PAPPA2: variants seen among roughly 807,000 people sequenced by gnomAD.
PAPPA2 encodes pappalysin 2.
Under a neutral mutation model 176.4 loss-of-function variants are expected in PAPPA2, and 86 were observed. The ratio of observed to expected loss-of-function variants is 0.49; its 90% CI spans 0.41 to 0.58. The LOEUF is 0.58. Among genes scored for constraint, PAPPA2 ranks in the 20% least tolerant of loss-of-function variants. The pLI, the probability that PAPPA2 is intolerant of heterozygous loss-of-function variation, is 0.00. For missense variants in PAPPA2, 2,073 were observed against 2,256.9 expected (o/e 0.92, Z 1.65); for synonymous variants, 809 against 852.2 (o/e 0.95, Z 0.88).
At chr1:176,560,285 C>A (rs535821080) in intron 2 of PAPPA2, among the ~76,000 whole-genome samples, 12 of 152,324 alleles carry the variant, frequency 7.9e-5, no homozygotes, top group East Asian at 7.7e-4. Context: ...CTCCCTCCCC[C>A]ACTCCAAACT....
chr1:176,506,515 T>A (rs1345958730), intron 1 of PAPPA2, among the ~76,000 whole-genome samples: 1 of 152,166 alleles, frequency 6.6e-6, no homozygotes, highest in Non-Finnish European at 1.5e-5. Context: ...ATTTGTGTCA[T>A]CTCTGATTTC....
intron 17 of PAPPA2, among the ~76,000 whole-genome samples, chr1:176,780,925 A>G (rs749977362): frequency 8.5e-5 from 13 of 152,178 alleles, no homozygotes; most frequent in African/African-American, 2.9e-4. Flanking sequence ...AATAATGCTA[A>G]TAGCTATTGT....
intron 1 of PAPPA2, among the ~76,000 whole-genome samples, chr1:176,477,364 C>T (rs1442172778): frequency 1.3e-5 from 2 of 152,174 alleles, no homozygotes; most frequent in African/African-American, 4.8e-5. Context: ...TTATTACACA[C>T]ATGCACACCT....
intron 1 of PAPPA2, among the ~76,000 whole-genome samples, chr1:176,477,070 A>G (rs1652161998): frequency 6.6e-6 from 1 of 152,184 alleles, no homozygotes; most frequent in South Asian, 2.1e-4. Flanking sequence ...TAGCTTTTCA[A>G]GGGAAGCCTT....
intron 1 of PAPPA2, among the ~76,000 whole-genome samples, chr1:176,507,513 A>G (rs1648344942): frequency 1.3e-5 from 2 of 152,232 alleles, no homozygotes; most frequent in African/African-American, 4.8e-5. Context: ...GTTATTCACA[A>G]TAGCAAAGAC....
intron 1 of PAPPA2, among the ~76,000 whole-genome samples, chr1:176,488,193 AT>A (rs1270494350): frequency 6.6e-6 from 1 of 151,562 alleles, no homozygotes; most frequent in Non-Finnish European, 1.5e-5. Context: ...TTTATTTTTT[AT>A]TTTTTTTAAA....
In PAPPA2 at chr1:176,556,585, A is replaced by T; in HGVS notation, c.263A>T (p.Glu88Val). 1 of 1,614,190 alleles carries T rather than the reference A, an allele frequency of 6.2e-7. No individual in the cohort carries two copies. The highest frequency in any genetic ancestry group is 2.2e-5 in the East Asian group (1 of 44,872). ...YLRPYPVGEQ[E>V]IHHTGRSKPD... Reference sequence around the variant, plus strand: ...AGGCCCTACCCCGTGGGGGAGCAAGAAATCCATCATACAGGACGCAGCAAA... The same window carrying T: ...AGGCCCTACCCCGTGGGGGAGCAAGTAATCCATCATACAGGACGCAGCAAA... Residue 88 changes from glutamate to valine, a missense_variant, in exon 2 of 23, where the codon GAA (glutamate) becomes GTA (valine). Glu to Val is a moderately radical substitution (Grantham distance 121). This residue lies in a region of PAPPA2 where 1,196 missense variants were observed against 1,330.4 expected (regional missense o/e 0.90). Coordinates refer to ENST00000367662, the MANE Select transcript of PAPPA2 (RefSeq NM_020318.3).
chr1:176,731,643 G>T (rs935337843), intron 12 of PAPPA2, among the ~76,000 whole-genome samples: 1 of 151,230 alleles, frequency 6.6e-6, no homozygotes. Flanking sequence ...ATTTATATGT[G>T]TATATATACA....
At chr1:176,732,910 C>T (rs1662228200) in intron 12 of PAPPA2, among the ~76,000 whole-genome samples, 1 of 152,196 alleles carries the variant, frequency 6.6e-6, no homozygotes, top group South Asian at 2.1e-4. Flanking sequence ...AACCTGGCCA[C>T]ACAGCAGGAG....
chr1:176,821,345 A>T (rs968902236), intron 21 of PAPPA2, among the ~76,000 whole-genome samples: 3 of 152,234 alleles, frequency 2.0e-5, no homozygotes, highest in Non-Finnish European at 4.4e-5. Flanking sequence ...AGAAAGTTTT[A>T]TAGAGGGGTA....
chr1:176,652,911 G>A (rs1017196281), intron 3 of PAPPA2, among the ~76,000 whole-genome samples: 2 of 151,822 alleles, frequency 1.3e-5, no homozygotes, highest in South Asian at 4.1e-4. Flanking sequence ...CCTGAGAATT[G>A]TCTCCATCTC....
chr1:176,645,358 G>A (rs1657340428), intron 3 of PAPPA2, among the ~76,000 whole-genome samples: 1 of 151,630 alleles, frequency 6.6e-6, no homozygotes, highest in African/African-American at 2.4e-5. Context: ...GTCTTTTTGT[G>A]TTTGGCTTAT....
intron 3 of PAPPA2, among the ~76,000 whole-genome samples, chr1:176,651,890 A>T (rs565539923): frequency 6.7e-6 from 1 of 148,924 alleles, no homozygotes; most frequent in African/African-American, 2.5e-5. Flanking sequence ...TGAGCTCACT[A>T]TTTTTTTTCC....
intron 17 of PAPPA2, among the ~76,000 whole-genome samples, chr1:176,786,585 C>T (rs1316885520): frequency 6.6e-6 from 1 of 152,158 alleles, no homozygotes; most frequent in Non-Finnish European, 1.5e-5. Context: ...ATGGATGTGG[C>T]ATTGGGACAC....
intron 21 of PAPPA2, among the ~76,000 whole-genome samples, chr1:176,829,334 A>T (rs1429588376): frequency 6.6e-6 from 1 of 151,948 alleles, no homozygotes; most frequent in East Asian, 1.9e-4. Flanking sequence ...GCCAAGAAAA[A>T]TATTTAATCC....
intron 2 of PAPPA2, among the ~76,000 whole-genome samples, chr1:176,558,895 A>G (rs1281342006): frequency 1.3e-5 from 2 of 152,128 alleles, no homozygotes; most frequent in African/African-American, 2.4e-5. Context: ...GAAAGATCCA[A>G]TAGGAGTCTA....
At chr1:176,821,539 T>C (rs1571377754) in intron 21 of PAPPA2, among the ~76,000 whole-genome samples, 1 of 152,220 alleles carries the variant, frequency 6.6e-6, no homozygotes, top group East Asian at 1.9e-4. Flanking sequence ...GTGACTCTCT[T>C]AGTTTGTGGT....
intron 14 of PAPPA2, among the ~76,000 whole-genome samples, chr1:176,763,505 A>G (rs535132927): frequency 1.4e-4 from 21 of 152,208 alleles, no homozygotes; most frequent in Non-Finnish European, 2.4e-4. Context: ...TTTGATAGCT[A>G]TGGACTGACT....
At chr1:176,835,676 C>T (rs943964188) in intron 21 of PAPPA2, among the ~76,000 whole-genome samples, 1 of 152,164 alleles carries the variant, frequency 6.6e-6, no homozygotes, top group Non-Finnish European at 1.5e-5. Context: ...GGCACCACCA[C>T]GCCCGGCTAG....
Sources: allele counts gnomAD v4.1 joint callset (sites outside exome capture counted in the v4.1 genomes callset), GRCh38; gene constraint gnomAD v4.1.1; regional missense constraint gnomAD v4.1.1; transcripts MANE v1.5; gene names NCBI Gene and HGNC (gene_info 2026-07-23, HGNC 2026-07-21).